The following DEXI variants were observed in gnomAD, a reference collection of about 807,000 sequenced individuals.
DEXI encodes dexamethasone-induced protein.
DEXI carries 2 observed loss-of-function variants against 2.5 expected under a neutral mutation model. The ratio of observed to expected loss-of-function variants is 0.81; its 90% confidence interval spans 0.33 to 2.55. DEXI has a LOEUF of 2.55. Among genes scored for constraint, DEXI ranks in the 30% most tolerant of loss-of-function variants. The pLI is 0.11. For synonymous variants in DEXI, 71 were observed against 68.7 expected, an observed-to-expected ratio of 1.03 and a Z score of -0.17; for missense variants, 108 against 130.3, an observed-to-expected ratio of 0.83 and a Z score of 0.83.
At chr16:10,936,053 GAAT>G (rs1279723848) in intron 1 of DEXI, 1 of 151,876 alleles carries the variant, frequency 6.6e-6, no homozygotes, top group Non-Finnish European at 1.5e-5. Flanking sequence ...TGCAGTGGTG[GAAT>G]AATAACTCAC....
chr16:10,930,996 A>G (rs2040763778), intron 1 of DEXI: 1 of 152,300 alleles, frequency 6.6e-6, no homozygotes, highest in Admixed American at 6.5e-5. Flanking sequence ...GTCATCCTTG[A>G]GCCCATCTCA....
intron 1 of DEXI, chr16:10,936,482 A>C (rs2041025180): frequency 6.6e-6 from 1 of 152,244 alleles, no homozygotes; most frequent in African/African-American, 2.4e-5. Flanking sequence ...ATACAAACAG[A>C]GGGAAGAGCA....
Position 10,942,197 on chromosome 16 carries a change from C to A in DEXI, c.-192G>T. 2.3e-6 allele frequency: 1 copy of A among 437,940 alleles called. No individual in the cohort carries two copies. The highest frequency in any genetic ancestry group is 3.9e-6 in the Non-Finnish European group (1 of 257,780). The allele number at this position is 437,940 out of a possible 1,614,324, so 27.1% of individuals were successfully genotyped here. A position where few individuals can be genotyped will look rare whatever the true frequency, so the allele number is the denominator to read the frequency against. Reference sequence around the variant, plus strand: ...AATGCGCCGGGCGGGTCACCGCACCCCGAGATGTGCCCCCAAGGATCTCTC... The same window carrying A: ...AATGCGCCGGGCGGGTCACCGCACCACGAGATGTGCCCCCAAGGATCTCTC... On this transcript the variant is annotated 5_prime_UTR_variant, in exon 1 of 2. Transcript: ENST00000331808. The surrounding 1 kb of genome is among the most constrained non-coding windows in gnomAD (Gnocchi z 5.0).
rs948104123 is a variant in DEXI at position 10,938,188 on chromosome 16, T to C, written c.*149+3381A>G. ...CTCACAACAAGGGAGATTTTCATTA[T>C]TTCCATCTTCTAGAAGAGGAAACCA... is the stretch of plus-strand genomic sequence containing the variant. On this transcript the variant is annotated intron_variant, in intron 1 of 1. Transcript: ENST00000331808. The surrounding 1 kb of genome is among the most constrained non-coding windows in gnomAD (Gnocchi z 4.9). 2.0e-5 allele frequency: 3 copies of C among 152,164 alleles called. No individual in the cohort carries two copies. Among genetic ancestry groups the C allele is most frequent in the African/African-American group, 7.2e-5 (3 of 41,428 alleles). 9.4% of individuals were successfully genotyped at this position (152,164 alleles called of 1,614,324 possible).
intron 1 of DEXI, chr16:10,936,774 G>C (rs1257231469): frequency 6.6e-6 from 1 of 152,210 alleles, no homozygotes; most frequent in Non-Finnish European, 1.5e-5. Context: ...GGCAGTCTTA[G>C]TTGGCTTTGT....
rs944943718 is a variant in DEXI at position 10,939,967 on chromosome 16, T to A, written c.*149+1602A>T. On this transcript the variant is annotated intron_variant, in intron 1 of 1. Coordinates refer to ENST00000331808, the MANE Select transcript of DEXI (RefSeq NM_014015.4). The surrounding 1 kb of genome is among the most constrained non-coding windows in gnomAD (Gnocchi z 4.9). ...TTCTGTAAAAGAACGGACGGATGGA[T>A]GGCAGGCAGGCAGGCAGGCTGGGGA... 5.9e-5 allele frequency: 9 copies of A among 152,424 alleles called. No individual in the cohort carries two copies. Among genetic ancestry groups the A allele is most frequent in the Non-Finnish European group, 1.2e-4 (8 of 68,208 alleles). 9.4% of individuals were successfully genotyped at this position (152,424 alleles called of 1,614,324 possible).
chr16:10,932,286 T>C (rs2040831225), intron 1 of DEXI: 1 of 152,266 alleles, frequency 6.6e-6, no homozygotes, highest in African/African-American at 2.4e-5. Flanking sequence ...ACAACACTTG[T>C]GTTATGAAGC....
In DEXI at chr16:10,941,428, C is replaced by T; in HGVS notation, c.*149+141G>A. On this transcript the variant is annotated intron_variant, in intron 1 of 1. Transcript: ENST00000331808. This position sits in a 1 kb window ranked among gnomAD's most constrained non-coding sequence, Gnocchi z 6.4. ...ACGAAGGGCTTAAGAGGAGTCTGGC[C>T]ATTCCTGGCATCCAGTTAGACCTGG... The T allele has an allele frequency of 2.5e-6, 2 of 809,098 alleles. No homozygotes were observed. Among genetic ancestry groups the T allele is most frequent in the South Asian group, 3.1e-5 (1 of 32,116 alleles). The allele number at this position is 809,098 out of a possible 1,614,324, so 50.1% of individuals were successfully genotyped here.
chr16:10,942,431 A>C lies in DEXI; in HGVS notation c.-426T>G. ...CCGCGCCCCCGCAGGCCCAGCACCC[A>C]TGGCTGCGGCCGCCGCGTAGCCCTC... On this transcript the variant is annotated 5_prime_UTR_variant, in exon 1 of 2. The change abolishes an upstream ATG in the 5' untranslated region. Transcript: ENST00000331808. This position sits in a 1 kb window ranked among gnomAD's most constrained non-coding sequence, Gnocchi z 5.0. 1 of 154,700 alleles carries C rather than the reference A, an allele frequency of 6.5e-6. No individual in the cohort carries two copies. The allele number at this position is 154,700 out of a possible 1,614,324, so 9.6% of individuals were successfully genotyped here.
chr16:10,935,651 C>T (rs915566847), intron 1 of DEXI: 7 of 152,248 alleles, frequency 4.6e-5, no homozygotes, highest in African/African-American at 1.4e-4. Context: ...CCTTCACCAA[C>T]TGATCAAAGT....
At chr16:10,931,902 A>G (rs1207279661) in intron 1 of DEXI, 2 of 152,186 alleles carry the variant, frequency 1.3e-5, no homozygotes, top group African/African-American at 4.8e-5. Context: ...AAAAAACACA[A>G]AAGTTTCTCT....
At position 10,942,227 on chromosome 16, in the gene DEXI, G is replaced by A; in HGVS notation, c.-222C>T. On this transcript the variant is annotated 5_prime_UTR_variant, in exon 1 of 2. Coordinates refer to ENST00000331808, the MANE Select transcript of DEXI (RefSeq NM_014015.4). The surrounding 1 kb of genome is among the most constrained non-coding windows in gnomAD (Gnocchi z 5.0). Reference sequence around the variant, plus strand: ...ATGTGCCCCCAAGGATCTCTCGACCGCCCGGGCGGCGAGGCGGGCCCCCCT... The same window carrying A: ...ATGTGCCCCCAAGGATCTCTCGACCACCCGGGCGGCGAGGCGGGCCCCCCT... The A allele has an allele frequency of 2.6e-6, 1 of 388,990 alleles. No individual in the cohort carries two copies. The highest frequency in any genetic ancestry group is 4.8e-5 in the South Asian group (1 of 20,972). 24.1% of individuals were successfully genotyped at this position (388,990 alleles called of 1,614,324 possible). A position where few individuals can be genotyped will look rare whatever the true frequency, so the allele number is the denominator to read the frequency against.
At chr16:10,933,412 C>A (rs2040883222) in intron 1 of DEXI, 1 of 152,242 alleles carries the variant, frequency 6.6e-6, no homozygotes, top group Non-Finnish European at 1.5e-5. Context: ...GTTCAGCTGC[C>A]CGCTGTCCTG....
chr16:10,933,217 T>C (rs1373748385), intron 1 of DEXI: 2 of 152,290 alleles, frequency 1.3e-5, no homozygotes, highest in African/African-American at 4.8e-5. Context: ...GCTGGCTGGC[T>C]GGTTTCTGTA....
Position 10,941,529 on chromosome 16 carries a change from G to A in DEXI, c.*149+40C>T, listed in dbSNP as rs1207024802. On this transcript the variant is annotated intron_variant, in intron 1 of 1. Coordinates refer to ENST00000331808, the MANE Select transcript of DEXI (RefSeq NM_014015.4). The surrounding 1 kb of genome is among the most constrained non-coding windows in gnomAD (Gnocchi z 6.4). ...GAATTCCTCCCTCTCCCTTGCTAGC[G>A]CCCCAACCCGCCCTCATCCTGTTCA... 2.9e-6 allele frequency: 4 copies of A among 1,400,646 alleles called. No homozygotes were observed. The South Asian group carries it at 5.0e-5, about 17-fold the overall frequency. 86.8% of individuals were successfully genotyped at this position (1,400,646 alleles called of 1,614,324 possible).
rs774756243 is a variant in DEXI, at chr16:10,941,995, G to A, written c.11C>T (p.Ala4Val). ...TGCGTCCAGGTGGGCCGCGACCCGG[G>A]CGCCGAGCATGCAGCGGGTGGCAAG... MLG[A>V]RVAAHLDALG... The change falls in exon 1 of 2, where the codon GCC becomes GTC. Residue 4 changes from alanine (A) to valine (V), a missense_variant. Transcript: ENST00000331808. The surrounding 1 kb of genome is among the most constrained non-coding windows in gnomAD (Gnocchi z 6.4). 66 of 1,470,886 alleles carry A rather than the reference G, an allele frequency of 4.5e-5. No homozygotes were observed. Among genetic ancestry groups the A allele is most frequent in the Non-Finnish European group, 5.9e-5 (65 of 1,109,766 alleles). The allele number at this position is 1,470,886 out of a possible 1,614,324, so 91.1% of individuals were successfully genotyped here. A position where few individuals can be genotyped will look rare whatever the true frequency, so the allele number is the denominator to read the frequency against.
intron 1 of DEXI, chr16:10,931,468 C>T (rs1274583490): frequency 6.6e-6 from 1 of 152,260 alleles, no homozygotes; most frequent in African/African-American, 2.4e-5. Context: ...GTGGAATTTA[C>T]TAACACTCCG....
intron 1 of DEXI, chr16:10,930,469 C>G (rs368660730): frequency 2.3e-4 from 35 of 152,230 alleles, no homozygotes; most frequent in African/African-American, 8.4e-4. Flanking sequence ...TTTCCAAGGT[C>G]GACCTAAGGG....
At position 10,937,875 on chromosome 16, in the gene DEXI, GGC is replaced by G. The variant is rs1442815201; in HGVS notation, c.*149+3692_*149+3693del. The G allele has an allele frequency of 1.3e-5, 2 of 152,138 alleles. No homozygotes were observed. The highest frequency in any genetic ancestry group is 2.9e-5 in the Non-Finnish European group (2 of 68,038). The allele number at this position is 152,138 out of a possible 1,614,324, so 9.4% of individuals were successfully genotyped here. A position where few individuals can be genotyped will look rare whatever the true frequency, so the allele number is the denominator to read the frequency against. On this transcript the variant is annotated intron_variant, in intron 1 of 1. Transcript: ENST00000331808. This position sits in a 1 kb window ranked among gnomAD's most constrained non-coding sequence, Gnocchi z 4.2. ...GGTTCTGGTGCCCTGGGGACCACAG[GGC>G]AGCAAGAAAGTTCTCCTAAGGGTCC...
Sources: allele counts gnomAD v4.1 joint callset, GRCh38; gene constraint gnomAD v4.1.1; non-coding constraint Gnocchi (gnomAD v3.1); transcripts MANE v1.5; gene names NCBI Gene and HGNC (gene_info 2026-07-23, HGNC 2026-07-21).